The following UBE3B variants were observed in gnomAD, a reference collection of about 807,000 sequenced individuals.
UBE3B encodes the protein ubiquitin protein ligase E3B, also known as ubiquitin-protein ligase E3B.
UBE3B carries 80 observed loss-of-function variants against 132.3 expected under a neutral mutation model. The observed-to-expected ratio is 0.60, with a 90% CI of 0.50 to 0.73. UBE3B has a LOEUF of 0.73. UBE3B is among the 30% of genes least tolerant of loss of function. The pLI, the probability that UBE3B is intolerant of heterozygous loss-of-function variation, is 0.00. For synonymous variants in UBE3B, 487 were observed against 520.4 expected (o/e 0.94, Z 0.87); for missense variants, 1,196 against 1,362.5 (o/e 0.88, Z 1.92).
chr12:109,512,861 A>G (rs1880548497), intron 18 of UBE3B, among the ~76,000 whole-genome samples: 1 of 152,260 alleles, frequency 6.6e-6, no homozygotes, highest in Non-Finnish European at 1.5e-5. Context: ...AGCCCCTGCT[A>G]TGATGTCCCT....
rs199696846 is a variant in UBE3B at position 109,510,422 on chromosome 12, G to A, written c.1820G>A (p.Arg607Gln). ...ATGGTGCTGTACGAGCGGGACTGCCGGCGGCGCTTCACCCCCGAGGACCAC... is the reference window on the plus strand; with the variant it reads ...ATGGTGCTGTACGAGCGGGACTGCCAGCGGCGCTTCACCCCCGAGGACCAC... ...WLMVLYERDCRRRFTPEDHWL... is the reference protein window; with the variant it reads ...WLMVLYERDCQRRFTPEDHWL... Residue 607 changes from arginine (R) to glutamine (Q), a missense_variant, in exon 17 of 28, where the codon CGG becomes CAG. Physicochemically the swap from Arg to Gln is conservative, Grantham distance 43. Coordinates refer to ENST00000342494, the MANE Select transcript of UBE3B (RefSeq NM_130466.4). 159 of 1,612,826 alleles carry A rather than the reference G, an allele frequency of 9.9e-5. No homozygotes were observed. In the East Asian group the frequency reaches 3.0e-3, roughly 31 times the overall value.
At chr12:109,547,825 G>A in the UBE3B span, among the ~76,000 whole-genome samples, 10 of 151,930 alleles carry the variant, frequency 6.6e-5, no homozygotes, top group African/African-American at 2.2e-4. The surrounding 1 kb of genome is among the most constrained non-coding windows in gnomAD (Gnocchi z 4.1). Flanking sequence ...GACTTTGTTC[G>A]ACTACAGGTG....
intron 22 of UBE3B, 49 bp downstream of exon 22, chr12:109,524,164 A>G: frequency 6.2e-7 from 1 of 1,608,744 alleles, no homozygotes; most frequent in Non-Finnish European, 8.5e-7. Flanking sequence ...GTGTGAACTC[A>G]CAGCTTGCGA....
In UBE3B at chr12:109,526,000, A is replaced by G. The variant is rs139457994; in HGVS notation, c.2569-358A>G. Among the ~76,000 whole-genome samples, 665 of 152,102 alleles carry G rather than the reference A, an allele frequency of 4.4e-3. 6 individuals are homozygous for G. The highest frequency in any genetic ancestry group is 7.2e-3 in the Non-Finnish European group (488 of 68,000). On this transcript the variant is annotated intron_variant, in intron 23 of 27. Coordinates refer to ENST00000342494, the MANE Select transcript of UBE3B (RefSeq NM_130466.4). ...TTTTTCACCTTTTTAGTAAACGCAC[A>G]TTTTCATCATATTGTTTAGTACCTG...
In UBE3B at chr12:109,523,983, TGTG is replaced by T; in HGVS notation, c.2375_2377del (p.Val792del). The T allele has an allele frequency of 1.2e-6, 2 of 1,613,958 alleles. No individual in the cohort carries two copies. Among genetic ancestry groups the T allele is most frequent in the Middle Eastern group, 1.7e-4 (1 of 5,872 alleles). On this transcript the variant is annotated inframe_deletion, in exon 22 of 28. Transcript: ENST00000342494. ...CTGCTTCTCTGCTCTCCCAGGGAAT[TGTG>T]GTGGACGTGCCATTTGCATCCTTCT...
downstream of UBE3B, among the ~76,000 whole-genome samples, chr12:109,537,350 C>T (rs1244700023): frequency 6.6e-6 from 1 of 152,206 alleles, no homozygotes. Flanking sequence ...CCAGGTCAGA[C>T]CTGCCAGGTG....
chr12:109,493,458 A>G (rs1877752136), intron 9 of UBE3B, among the ~76,000 whole-genome samples: 1 of 152,228 alleles, frequency 6.6e-6, no homozygotes, highest in South Asian at 2.1e-4. Flanking sequence ...ACATCCAGTC[A>G]TTCTACCACA....
At chr12:109,527,031 G>A (rs543249244) in intron 24 of UBE3B, among the ~76,000 whole-genome samples, 1 of 152,230 alleles carries the variant, frequency 6.6e-6, no homozygotes, top group East Asian at 1.9e-4. Context: ...ACACTGTCCT[G>A]AACCCAGAGG....
Position 109,502,432 on chromosome 12 carries a change from TGACAGA to T in UBE3B, c.1283-589_1283-584del, listed in dbSNP as rs539329897. On this transcript the variant is annotated intron_variant, in intron 13 of 27. Coordinates refer to ENST00000342494, the MANE Select transcript of UBE3B (RefSeq NM_130466.4). ...ATGGAAAGGCCACTAATGCATAATT[TGACAGA>T]GTTACCTGCCTGTGGTGGGTTTTCA... Among the ~76,000 whole-genome samples the T allele has an allele frequency of 3.9e-4, 60 of 152,344 alleles. 3 individuals carry two copies. The South Asian group carries it at 0.012, about 31-fold the overall frequency.
At chr12:109,516,377 A>G (rs914595737) in intron 18 of UBE3B, among the ~76,000 whole-genome samples, 2 of 151,744 alleles carry the variant, frequency 1.3e-5, no homozygotes, top group African/African-American at 2.4e-5. Flanking sequence ...AGGTTTCACC[A>G]TGTTGGCCAG....
intron 18 of UBE3B, among the ~76,000 whole-genome samples, chr12:109,511,785 T>G (rs578120021): frequency 6.6e-6 from 1 of 151,970 alleles, no homozygotes; most frequent in Admixed American, 6.6e-5. Flanking sequence ...GCTGGAAGCT[T>G]AGGAGGCACC....
chr12:109,517,969 A>G, intron 19 of UBE3B: 1 of 449,194 alleles, frequency 2.2e-6, no homozygotes, highest in Non-Finnish European at 4.5e-6. Flanking sequence ...AGCTGCTAGG[A>G]AGGCAGTGTG....
chr12:109,503,966 C>A (rs929311663), intron 14 of UBE3B, among the ~76,000 whole-genome samples: 2 of 152,184 alleles, frequency 1.3e-5, no homozygotes, highest in Non-Finnish European at 2.9e-5. Context: ...CCCTGTGTGC[C>A]AGGCACTGAG....
intron 9 of UBE3B, among the ~76,000 whole-genome samples, chr12:109,492,900 C>T (rs1163471606): frequency 1.3e-5 from 2 of 152,026 alleles, no homozygotes; most frequent in African/African-American, 2.4e-5. Flanking sequence ...GCCAAGTCTT[C>T]AAAACTGGTA....
downstream of UBE3B, among the ~76,000 whole-genome samples, chr12:109,539,172 G>T (rs1050772900): frequency 6.6e-6 from 1 of 152,160 alleles, no homozygotes. Context: ...GGAGGCGGAG[G>T]TTGCAATGAG....
In UBE3B at chr12:109,499,695, G is replaced by C; in HGVS notation, c.1003G>C (p.Val335Leu). ...GTTAGAGGAGGAGACAGATGGGTTC[G>C]TGAGTTTGCTCACCCAGACGCTGTG... ...RVLEEETDGF[V>L]SLLTQTLCYC... is the part of the protein sequence containing the mutation. Residue 335 changes from valine (V) to leucine (L), a missense_variant, in exon 12 of 28, where the codon GTG becomes CTG. Physicochemically the swap from Val to Leu is conservative, Grantham distance 32 (BLOSUM62 1). Transcript: ENST00000342494. 1 of 1,613,252 alleles carries C rather than the reference G, an allele frequency of 6.2e-7. No individual in the cohort carries two copies.
At chr12:109,524,336 TG>T in intron 22 of UBE3B, 101 bp from the exon 23 acceptor site, 2 of 1,450,388 alleles carry the variant, frequency 1.4e-6, no homozygotes, top group Non-Finnish European at 1.9e-6. Flanking sequence ...TCAGCAGCCA[TG>T]GGTGTTCCCA....
At chr12:109,538,946 A>C (rs1397916027), downstream of UBE3B, among the ~76,000 whole-genome samples, 1 of 152,230 alleles carries the variant, frequency 6.6e-6, no homozygotes, top group Non-Finnish European at 1.5e-5. The surrounding 1 kb of genome is among the most constrained non-coding windows in gnomAD (Gnocchi z 4.1). Context: ...ATTCAGAAGA[A>C]GCTGCATGGC....
chr12:109,481,610 T>G (rs563779556), intron 1 of UBE3B, 27 bp from the exon 2 acceptor site: 1 of 152,332 alleles, frequency 6.6e-6, no homozygotes, highest in East Asian at 1.9e-4. Flanking sequence ...ACCCTAAGTC[T>G]GGATTTTTTT....
Sources: allele counts gnomAD v4.1 joint callset (sites outside exome capture counted in the v4.1 genomes callset), GRCh38; gene constraint gnomAD v4.1.1; non-coding constraint Gnocchi (gnomAD v3.1); transcripts MANE v1.5; gene names NCBI Gene and HGNC (gene_info 2026-07-23, HGNC 2026-07-21).